MRTFB: variants seen among roughly 807,000 people sequenced by gnomAD.
The protein encoded by MRTFB is myocardin related transcription factor B, also known as myocardin-related transcription factor B.
A neutral mutation model predicts 104.2 loss-of-function variants in MRTFB; 29 were observed. The ratio of observed to expected loss-of-function variants is 0.28; its 90% CI spans 0.21 to 0.38. MRTFB has a LOEUF of 0.38. Ranked by LOEUF, MRTFB falls within the 10% of genes least tolerant of loss-of-function variation. The pLI, the probability that MRTFB is intolerant of heterozygous loss-of-function variation, is 1.00. For missense variants in MRTFB, 1,270 were observed against 1,341.6 expected, an observed-to-expected ratio of 0.95 and a Z score of 0.83; for synonymous variants, 535 against 519.5, an observed-to-expected ratio of 1.03 and a Z score of -0.41.
At chr16:14,017,687 G>GTATATATATATA in the MRTFB span, among the ~76,000 whole-genome samples, 9 of 6,814 alleles carry the variant, frequency 1.3e-3, 1 homozygote, top group Non-Finnish European at 3.8e-3. Flanking sequence ...GTGTGTGTGT[G>GTATATATATATA]TATATATATA....
At chr16:14,242,041 C>G (rs898735431) in intron 10 of MRTFB, among the ~76,000 whole-genome samples, 14 of 151,434 alleles carry the variant, frequency 9.2e-5, no homozygotes, top group Non-Finnish European at 7.4e-5. Context: ...TTACTACTTA[C>G]AATGCGTTGT....
the MRTFB span, among the ~76,000 whole-genome samples, chr16:14,011,772 T>G: frequency 2.0e-5 from 3 of 152,126 alleles, no homozygotes; most frequent in African/African-American, 4.8e-5. Flanking sequence ...CTGGGGAGGC[T>G]GAAGCAGAAG....
Position 14,249,000 on chromosome 16 carries a change from C to G in MRTFB, c.2322C>G (p.Ala774=). Residue 774 remains alanine (A), a synonymous_variant, in exon 13 of 17, where the codon GCC becomes GCG. Transcript: ENST00000571589. ...TAAQIPTAAL[A]SGLAPTVPQT... ...CACAAATACCAACTGCTGCCTTGGC[C>G]TCAGGCTTGGCCCCAACTGTACCTC... 1.2e-6 allele frequency: 2 copies of G among 1,614,192 alleles called. No individual in the cohort carries two copies. Among genetic ancestry groups the G allele is most frequent in the African/African-American group, 2.7e-5 (2 of 75,048 alleles).
At chr16:14,099,591 T>G (rs1282149104) in intron 2 of MRTFB, among the ~76,000 whole-genome samples, 1 of 151,950 alleles carries the variant, frequency 6.6e-6, no homozygotes, top group Non-Finnish European at 1.5e-5. Flanking sequence ...TCAAGTGATC[T>G]ATCTACCTCG....
chr16:14,230,198 T>A (rs1480824356), intron 8 of MRTFB, among the ~76,000 whole-genome samples: 4 of 152,128 alleles, frequency 2.6e-5, no homozygotes, highest in Non-Finnish European at 5.9e-5. Flanking sequence ...AACCTAGGCA[T>A]TACCATTCAG....
chr16:14,194,680 G>A (rs1231428652), intron 3 of MRTFB, among the ~76,000 whole-genome samples: 1 of 149,880 alleles, frequency 6.7e-6, no homozygotes, highest in African/African-American at 2.5e-5. Flanking sequence ...ATATTAGGAA[G>A]TATTTCTTTT....
the MRTFB span, among the ~76,000 whole-genome samples, chr16:14,056,648 G>T: frequency 6.6e-6 from 1 of 152,188 alleles, no homozygotes. Context: ...CAAGATCTGA[G>T]TGGTAGGTGT....
intron 2 of MRTFB, among the ~76,000 whole-genome samples, chr16:14,115,308 C>G (rs889931358): frequency 6.6e-6 from 1 of 152,074 alleles, no homozygotes; most frequent in East Asian, 1.9e-4. Context: ...TTAGTTATTT[C>G]CCCAAATCCT....
intron 3 of MRTFB, among the ~76,000 whole-genome samples, chr16:14,193,212 A>T (rs2040270980): frequency 6.4e-5 from 1 of 15,682 alleles, no homozygotes; most frequent in African/African-American, 3.8e-4. Context: ...CCCTGTCTCA[A>T]AAAAAAAAAA....
chr16:14,239,327 A>G (rs1441176193), intron 9 of MRTFB, among the ~76,000 whole-genome samples: 1 of 152,252 alleles, frequency 6.6e-6, no homozygotes, highest in South Asian at 2.1e-4. Flanking sequence ...AAATGAGACT[A>G]TTCCTAACCT....
intron 2 of MRTFB, among the ~76,000 whole-genome samples, chr16:14,098,430 T>C (rs2035516541): frequency 6.6e-6 from 1 of 152,216 alleles, no homozygotes; most frequent in Admixed American, 6.5e-5. Context: ...TTATTATTAC[T>C]GAGTTTTGAG....
At chr16:14,017,709 A>AT in the MRTFB span, among the ~76,000 whole-genome samples, 7 of 15,918 alleles carry the variant, frequency 4.4e-4, 1 homozygote, top group African/African-American at 7.0e-4. Flanking sequence ...ATATATATAT[A>AT]TATTTTTTTT....
chr16:14,249,159 T>A (rs1597375406), intron 13 of MRTFB, 78 bp downstream of exon 13: 5 of 1,505,532 alleles, frequency 3.3e-6, no homozygotes, highest in Admixed American at 2.0e-5. Flanking sequence ...AGCATCTTTG[T>A]AAACGCCCTG....
rs2035007793 is a variant in MRTFB at position 14,090,770 on chromosome 16, A to G, written c.-64+11416A>G. On this transcript the variant is annotated intron_variant, in intron 2 of 16. Transcript: ENST00000571589. The stretch of plus-strand genomic sequence containing the variant: ...GATATCTCACAACAGCCTATCTAGG[A>G]TTATTGATATAATAAAATGTAGATA... Among the ~76,000 whole-genome samples, 2 of 152,144 alleles carry G rather than the reference A, an allele frequency of 1.3e-5. 1 individual carries two copies. Among genetic ancestry groups the G allele is most frequent in the South Asian group, 4.1e-4 (2 of 4,820 alleles).
chr16:14,213,628 AT>A lies in MRTFB; in HGVS notation c.352+11del. 6.4e-7 allele frequency: 1 copy of A among 1,561,118 alleles called. No homozygotes were observed. Among genetic ancestry groups the A allele is most frequent in the Non-Finnish European group, 8.7e-7 (1 of 1,149,338 alleles). On this transcript the variant is annotated intron_variant, in intron 6 of 16. Transcript: ENST00000571589. Reference sequence around the variant, plus strand: ...GGATGCACATTTTAGAAGGTAAAGGATTTATTTCTTCTTAATCTGCTGTATT... The same window carrying A: ...GGATGCACATTTTAGAAGGTAAAGGATTATTTCTTCTTAATCTGCTGTATT...
At chr16:14,258,491 A>G (rs1438301875) in intron 16 of MRTFB, among the ~76,000 whole-genome samples, 1 of 152,116 alleles carries the variant, frequency 6.6e-6, no homozygotes, top group African/African-American at 2.4e-5. Flanking sequence ...AGCTACTAGG[A>G]AGTTGAGGTA....
chr16:14,247,328 G>T lies in MRTFB; in HGVS notation c.2068G>T (p.Glu690Ter). Residue 690 changes from glutamate (E) to a stop codon, truncating the protein, a stop_gained, in exon 12 of 17, where the codon GAG (glutamate) becomes TAG (stop). Coordinates refer to ENST00000571589, the MANE Select transcript of MRTFB (RefSeq NM_001308142.2). LOFTEE classifies it high-confidence loss of function. Reference sequence around the variant, plus strand: ...GCAAGAGGTCCCTGTGGGCCAGGCAGAGCAGCAGAGTGTCGTCTCGCAGTT... The same window carrying T: ...GCAAGAGGTCCCTGTGGGCCAGGCATAGCAGCAGAGTGTCGTCTCGCAGTT... Reference protein sequence around the residue: ...IKQEVPVGQAEQQSVVSQFYV... With the variant: ...IKQEVPVGQA The T allele has an allele frequency of 6.2e-7, 1 of 1,614,232 alleles. No individual in the cohort carries two copies. The highest frequency in any genetic ancestry group is 8.5e-7 in the Non-Finnish European group (1 of 1,180,042).
the MRTFB span, among the ~76,000 whole-genome samples, chr16:14,012,449 C>A: frequency 6.6e-6 from 1 of 151,784 alleles, no homozygotes; most frequent in Non-Finnish European, 1.5e-5. Flanking sequence ...CAGGCACCTG[C>A]CACCACGCCT....
chr16:14,089,059 AG>A (rs1419046446), intron 2 of MRTFB, among the ~76,000 whole-genome samples: 1 of 152,228 alleles, frequency 6.6e-6, no homozygotes, highest in Non-Finnish European at 1.5e-5. Flanking sequence ...TTTTTACAAC[AG>A]GTTATCTTGT....
Sources: allele counts gnomAD v4.1 joint callset (sites outside exome capture counted in the v4.1 genomes callset), GRCh38; gene constraint gnomAD v4.1.1; transcripts MANE v1.5; gene names NCBI Gene and HGNC (gene_info 2026-07-23, HGNC 2026-07-21).